The following KLRF1 variants were observed in gnomAD, a reference collection of about 807,000 sequenced individuals.
KLRF1 encodes killer cell lectin like receptor F1.
A neutral mutation model predicts 30.7 loss-of-function variants in KLRF1; 27 were observed. The ratio of observed to expected loss-of-function variants is 0.88; its 90% CI spans 0.65 to 1.21. KLRF1 has a LOEUF of 1.21. Ranked by LOEUF, KLRF1 falls within the 50% of genes most tolerant of loss-of-function variation. The pLI is 0.00. For synonymous variants in KLRF1, 92 were observed against 89.3 expected, an observed-to-expected ratio of 1.03 and a Z score of -0.17; for missense variants, 246 against 259.3, an observed-to-expected ratio of 0.95 and a Z score of 0.35.
the KLRF1 span, among the ~76,000 whole-genome samples, chr12:9,801,638 A>G: frequency 6.6e-6 from 1 of 152,202 alleles, no homozygotes; most frequent in South Asian, 2.1e-4. Context: ...TGGCCACATA[A>G]TGTCTTCTTT....
the KLRF1 span, among the ~76,000 whole-genome samples, chr12:9,810,889 T>A: frequency 0.071 from 10,765 of 152,224 alleles, 480 homozygotes; most frequent in East Asian, 0.2. Context: ...TTGGATTCTG[T>A]CATATATTGG....
chr12:9,841,847 A>G lies in KLRF1; in HGVS notation c.370A>G (p.Lys124Glu). The part of the protein sequence containing the change: ...CQSEWLKYQG[K>E]CYWFSNEMKS... Reference sequence around the variant, plus strand: ...ATCAGAATGGCTCAAATACCAAGGGAAGTGTTATTGGTTCTCTAATGAGAT... The same window carrying G: ...ATCAGAATGGCTCAAATACCAAGGGGAGTGTTATTGGTTCTCTAATGAGAT... Residue 124 changes from lysine (K) to glutamate (E), a missense_variant, in exon 4 of 6, where the codon AAG (lysine) becomes GAG (glutamate). Lys to Glu is a moderately conservative substitution (Grantham distance 56, BLOSUM62 1). Coordinates refer to ENST00000617889, the MANE Select transcript of KLRF1 (RefSeq NM_016523.3). The G allele has an allele frequency of 6.2e-7, 1 of 1,607,996 alleles. No homozygotes were observed. The highest frequency in any genetic ancestry group is 1.1e-5 in the South Asian group (1 of 90,906).
chr12:9,827,770 T>C, intron 1 of KLRF1, 141 bp downstream of exon 1: 1 of 478,552 alleles, frequency 2.1e-6, no homozygotes, highest in Non-Finnish European at 3.7e-6. Flanking sequence ...ACCTGTCCTC[T>C]CTTTCAATAT....
the KLRF1 span, among the ~76,000 whole-genome samples, chr12:9,807,831 C>T: frequency 1.3e-5 from 2 of 152,044 alleles, no homozygotes; most frequent in African/African-American, 4.8e-5. Flanking sequence ...ACATAAGACT[C>T]TTAGTTGACA....
intron 3 of KLRF1, among the ~76,000 whole-genome samples, chr12:9,835,364 G>A (rs760136396): frequency 6.6e-6 from 1 of 152,064 alleles, no homozygotes; most frequent in Non-Finnish European, 1.5e-5. Flanking sequence ...GCAGCCACCA[G>A]AGGTTGTAAT....
chr12:9,837,501 T>C (rs1369462938), intron 3 of KLRF1, among the ~76,000 whole-genome samples: 2 of 152,136 alleles, frequency 1.3e-5, no homozygotes, highest in African/African-American at 2.4e-5. Context: ...CCTTTTCAGG[T>C]AATTTCTGAG....
chr12:9,817,869 A>G, the KLRF1 span: 3 of 190,182 alleles, frequency 1.6e-5, no homozygotes, highest in Admixed American at 1.9e-4. Context: ...TAAGATTCTC[A>G]CCAAGATCAT....
rs1867771191 is a variant in KLRF1 at position 9,844,534 on chromosome 12, C to G, written c.*8C>G. On this transcript the variant is annotated 3_prime_UTR_variant, in exon 6 of 6. Coordinates refer to ENST00000617889, the MANE Select transcript of KLRF1 (RefSeq NM_016523.3). Reference sequence around the variant, plus strand: ...TGGATTTGTCAGTATTAGAGTTTGACAAAATTCACAGTGAAATAATCAATG... The same window carrying G: ...TGGATTTGTCAGTATTAGAGTTTGAGAAAATTCACAGTGAAATAATCAATG... The G allele has an allele frequency of 7.1e-7, 1 of 1,413,122 alleles. No homozygotes were observed. The allele number at this position is 1,413,122 out of a possible 1,614,324, so 87.5% of individuals were successfully genotyped here.
At chr12:9,830,186 T>G (rs1475767397) in intron 1 of KLRF1, among the ~76,000 whole-genome samples, 4 of 152,158 alleles carry the variant, frequency 2.6e-5, no homozygotes, top group Non-Finnish European at 5.9e-5. Context: ...TAACTATCCG[T>G]GAGTAATGAA....
At chr12:9,841,743 T>C (rs1867706166) in intron 3 of KLRF1, 69 bp from the exon 4 acceptor site, 2 of 1,239,912 alleles carry the variant, frequency 1.6e-6, no homozygotes, top group East Asian at 4.9e-5. Flanking sequence ...GTAAGTATTG[T>C]TCTTATGGCC....
the KLRF1 span, among the ~76,000 whole-genome samples, chr12:9,805,967 A>C: frequency 2.6e-5 from 4 of 151,946 alleles, no homozygotes; most frequent in African/African-American, 9.7e-5. Flanking sequence ...ATCTTCAAAG[A>C]ATTAACTTTT....
the KLRF1 span, among the ~76,000 whole-genome samples, chr12:9,808,573 C>T: frequency 1.4e-4 from 22 of 152,102 alleles, no homozygotes; most frequent in Non-Finnish European, 2.9e-4. Flanking sequence ...GACCCGCATC[C>T]TCCCCAAAAG....
the KLRF1 span, among the ~76,000 whole-genome samples, chr12:9,809,819 T>G: frequency 7.0e-6 from 1 of 141,980 alleles, no homozygotes; most frequent in Admixed American, 6.8e-5. Flanking sequence ...ATAAATCTGT[T>G]TTTTTTAATG....
chr12:9,834,887 G>A (rs966091328), intron 3 of KLRF1, among the ~76,000 whole-genome samples: 2 of 152,032 alleles, frequency 1.3e-5, no homozygotes, highest in African/African-American at 2.4e-5. Flanking sequence ...AGTAAGTCAA[G>A]GCCTCGGTGG....
rs1433627785 is a variant in KLRF1, at chr12:9,835,698, A to G, written c.334+2246A>G. On this transcript the variant is annotated intron_variant, in intron 3 of 5. Coordinates refer to ENST00000617889, the MANE Select transcript of KLRF1 (RefSeq NM_016523.3). ...GCATAGCTGGACTTTGGAGATGAAGAGTAAAGGAACATGGAGAAGGTGAAG... is the reference window on the plus strand; with the variant it reads ...GCATAGCTGGACTTTGGAGATGAAGGGTAAAGGAACATGGAGAAGGTGAAG... 2.0e-5 allele frequency among the ~76,000 whole-genome samples: 3 copies of G among 152,118 alleles called. No individual in the cohort carries two copies. The East Asian group carries it at 5.8e-4, about 29-fold the overall frequency.
At chr12:9,819,443 T>C in the KLRF1 span, among the ~76,000 whole-genome samples, 1 of 152,194 alleles carries the variant, frequency 6.6e-6, no homozygotes, top group Admixed American at 6.5e-5. Flanking sequence ...TTTGCTGTTT[T>C]GCAGCCTTAG....
the KLRF1 span, among the ~76,000 whole-genome samples, chr12:9,810,069 A>G: frequency 6.6e-6 from 1 of 152,230 alleles, no homozygotes; most frequent in Admixed American, 6.5e-5. Context: ...ACAACATCTG[A>G]ATAGTGAGTG....
intron 2 of KLRF1, among the ~76,000 whole-genome samples, chr12:9,832,874 C>T (rs961109356): frequency 2.6e-5 from 4 of 151,904 alleles, no homozygotes; most frequent in Non-Finnish European, 5.9e-5. Flanking sequence ...TTACAAATTC[C>T]CCAAAATTTT....
the KLRF1 span, chr12:9,817,379 A>G: frequency 2.9e-6 from 1 of 347,212 alleles, no homozygotes; most frequent in Non-Finnish European, 5.7e-6. Context: ...AGTTCTCAGC[A>G]TCTTTTTATT....
Sources: gnomAD v4.1 joint callset for allele counts (sites outside exome capture counted in the v4.1 genomes callset) on GRCh38, gnomAD v4.1.1 for gene constraint, MANE v1.5 for transcripts, NCBI Gene and HGNC (gene_info 2026-07-23, HGNC 2026-07-21) for gene names.